Variants in DENND4C observed in about 807,000 individuals in gnomAD.
DENND4C encodes the protein DENN domain-containing protein 4C.
In DENND4C, 108 loss-of-function variants were observed where a neutral mutation model predicts 203.0. The observed-to-expected ratio is 0.53, with a 90% CI of 0.46 to 0.62. The LOEUF (loss-of-function observed/expected upper bound fraction) is 0.62. Ranked by LOEUF, DENND4C falls within the 20% of genes least tolerant of loss-of-function variation. The pLI is 0.00. For synonymous variants in DENND4C, 871 were observed against 792.4 expected (o/e 1.10, Z -1.67); for missense variants, 2,481 against 2,301.2 (o/e 1.08, Z -1.60).
intron 1 of DENND4C, among the ~76,000 whole-genome samples, chr9:19,238,162 A>C (rs1822509300): frequency 6.6e-6 from 1 of 150,554 alleles, no homozygotes; most frequent in Non-Finnish European, 1.5e-5. Flanking sequence ...AGCTCACCGC[A>C]ACCTGTGCCT....
chr9:19,280,241 G>A (rs1033014590), intron 2 of DENND4C, among the ~76,000 whole-genome samples: 13 of 151,766 alleles, frequency 8.6e-5, no homozygotes, highest in African/African-American at 3.1e-4. Flanking sequence ...CCTCCACCTC[G>A]GGTTCAAGCA....
At chr9:19,353,584 C>T (rs1037281532) in intron 26 of DENND4C, among the ~76,000 whole-genome samples, 11 of 152,018 alleles carry the variant, frequency 7.2e-5, no homozygotes, top group African/African-American at 2.4e-4. Context: ...GCTGAGATTG[C>T]ACCACTGCAC....
intron 12 of DENND4C, among the ~76,000 whole-genome samples, chr9:19,319,839 T>TA (rs2131606950): frequency 6.6e-6 from 1 of 152,284 alleles, no homozygotes; most frequent in South Asian, 2.1e-4. Context: ...GTCAGAGAAA[T>TA]ATTCCTTGAA....
At chr9:19,311,049 A>T (rs139315245) in intron 10 of DENND4C, among the ~76,000 whole-genome samples, 1 of 152,178 alleles carries the variant, frequency 6.6e-6, no homozygotes, top group African/African-American at 2.4e-5. Flanking sequence ...TAGACTTTAA[A>T]TATTCTTTAT....
At chr9:19,355,852 C>A (rs993590606) in intron 26 of DENND4C, among the ~76,000 whole-genome samples, 2 of 152,022 alleles carry the variant, frequency 1.3e-5, no homozygotes, top group Non-Finnish European at 2.9e-5. Flanking sequence ...TTATTATTAT[C>A]TTATCTGTGA....
chr9:19,284,122 AT>A (rs1228103141), intron 2 of DENND4C, among the ~76,000 whole-genome samples: 1 of 151,992 alleles, frequency 6.6e-6, no homozygotes, highest in Non-Finnish European at 1.5e-5. Context: ...ACAAATTGAC[AT>A]TTTTTTTCAT....
chr9:19,329,970 G>C (rs1394332593), intron 16 of DENND4C, among the ~76,000 whole-genome samples: 1 of 152,144 alleles, frequency 6.6e-6, no homozygotes, highest in Non-Finnish European at 1.5e-5. Flanking sequence ...TTAAAATGTG[G>C]AAAATTTCAC....
intron 1 of DENND4C, among the ~76,000 whole-genome samples, chr9:19,268,819 C>G (rs1238894727): frequency 6.6e-6 from 1 of 152,034 alleles, no homozygotes; most frequent in Non-Finnish European, 1.5e-5. Flanking sequence ...CATTAGAGCT[C>G]CTTTGTATGC....
rs1315355779 is a variant in DENND4C at position 19,336,252 on chromosome 9, C to T, written c.2590-18C>T. 3 of 1,601,698 alleles carry T rather than the reference C, an allele frequency of 1.9e-6. No individual in the cohort carries two copies. The highest frequency in any genetic ancestry group is 2.6e-6 in the Non-Finnish European group (3 of 1,174,972). Reference sequence around the variant, plus strand: ...ATATTGCTAATGAACATTATTTTTACCCTTATTTTACCTTTAGGTAGTCTT... The same window carrying T: ...ATATTGCTAATGAACATTATTTTTATCCTTATTTTACCTTTAGGTAGTCTT... On this transcript the variant is annotated intron_variant, in intron 18 of 32. Coordinates refer to ENST00000434457, the MANE Select transcript of DENND4C (RefSeq NM_001330640.2).
At chr9:19,339,197 A>G (rs994851637) in intron 20 of DENND4C, among the ~76,000 whole-genome samples, 5 of 152,028 alleles carry the variant, frequency 3.3e-5, no homozygotes, top group African/African-American at 1.2e-4. Flanking sequence ...TTACCTCTTT[A>G]TTATTTCAGT....
intron 1 of DENND4C, among the ~76,000 whole-genome samples, chr9:19,250,487 C>G (rs543025247): frequency 6.6e-6 from 1 of 152,042 alleles, no homozygotes; most frequent in Non-Finnish European, 1.5e-5. Flanking sequence ...CTCAGCCTCC[C>G]AAAGTGTTTA....
In DENND4C at chr9:19,336,190, T is replaced by TAC. The variant is rs200215026; in HGVS notation, c.2590-70_2590-69dup. 5.0e-6 allele frequency: 6 copies of TAC among 1,204,496 alleles called. No homozygotes were observed. In the South Asian group the frequency reaches 8.2e-5, roughly 17 times the overall value. The allele number at this position is 1,204,496 out of a possible 1,614,324, so 74.6% of individuals were successfully genotyped here. On this transcript the variant is annotated intron_variant, in intron 18 of 32. Transcript: ENST00000434457. ...ATTTGTGTATATATATATATAAACA[T>TAC]ACACACACACATATATGTATGTATT... is the stretch of plus-strand genomic sequence containing the variant.
Position 19,316,856 on chromosome 9 carries a change from G to A in DENND4C, c.1807+17G>A, listed in dbSNP as rs764034455. ...ACCGACAGGGTGAGTAGCATTGAAA[G>A]TACAATTCCTTTTATTGAGGTGAAA... is the stretch of plus-strand genomic sequence containing the variant. On this transcript the variant is annotated intron_variant, in intron 12 of 32. Coordinates refer to ENST00000434457, the MANE Select transcript of DENND4C (RefSeq NM_001330640.2). The A allele has an allele frequency of 1.3e-6, 2 of 1,580,058 alleles. No homozygotes were observed. The highest frequency in any genetic ancestry group is 1.4e-5 in the African/African-American group (1 of 73,632).
intron 12 of DENND4C, 77 bp downstream of exon 12, chr9:19,316,916 C>G: frequency 7.9e-7 from 1 of 1,259,262 alleles, no homozygotes; most frequent in East Asian, 2.4e-5. Flanking sequence ...CCAAGAAATA[C>G]TTATTGTATA....
intron 5 of DENND4C, among the ~76,000 whole-genome samples, chr9:19,294,826 A>T (rs1837094875): frequency 6.6e-6 from 1 of 152,196 alleles, no homozygotes; most frequent in South Asian, 2.1e-4. Flanking sequence ...TATAGGAGGT[A>T]CCTAGAATAG....
chr9:19,317,204 T>A (rs1842006682), intron 12 of DENND4C, among the ~76,000 whole-genome samples: 1 of 144,824 alleles, frequency 6.9e-6, no homozygotes, highest in African/African-American at 2.5e-5. Context: ...TTTTTTTTAA[T>A]AGAGCAGAGT....
At chr9:19,306,461 A>G (rs1839678677) in intron 10 of DENND4C, among the ~76,000 whole-genome samples, 1 of 152,178 alleles carries the variant, frequency 6.6e-6, no homozygotes. Context: ...TTACAGCTTG[A>G]AAGTAATGAA....
Position 19,276,298 on chromosome 9 carries a change from C to G in DENND4C, c.124C>G (p.Pro42Ala). The G allele has an allele frequency of 8.1e-7, 1 of 1,232,042 alleles. No homozygotes were observed. Among genetic ancestry groups the G allele is most frequent in the Non-Finnish European group, 1.0e-6 (1 of 987,906 alleles). The allele number at this position is 1,232,042 out of a possible 1,614,324, so 76.3% of individuals were successfully genotyped here. A position where few individuals can be genotyped will look rare whatever the true frequency, so the allele number is the denominator to read the frequency against. The change falls in exon 2 of 33, where the codon CCA becomes GCA. Residue 42 changes from proline to alanine, a missense_variant. This residue lies in a region of DENND4C where 187 missense variants were observed against 167.4 expected (regional missense o/e 1.12). Transcript: ENST00000434457. ...LDTKSTGPKA[P>A]ITDIAIIIKS... ...TACTAAGTCAACTGGACCTAAAGCTCCAATTACAGACATTGCCATTATTAT... is the reference window on the plus strand; with the variant it reads ...TACTAAGTCAACTGGACCTAAAGCTGCAATTACAGACATTGCCATTATTAT...
At chr9:19,232,910 A>G (rs1213808010) in intron 1 of DENND4C, among the ~76,000 whole-genome samples, 1 of 152,220 alleles carries the variant, frequency 6.6e-6, no homozygotes, top group African/African-American at 2.4e-5. Context: ...AGTTAAGACC[A>G]AAACATCTCA....
Sources: allele counts gnomAD v4.1 joint callset (sites outside exome capture counted in the v4.1 genomes callset), GRCh38; gene constraint gnomAD v4.1.1; regional missense constraint gnomAD v4.1.1; transcripts MANE v1.5; gene names NCBI Gene and HGNC (gene_info 2026-07-23, HGNC 2026-07-21).